ANK2: variants seen among roughly 807,000 people sequenced by gnomAD.
The protein encoded by ANK2 is ankyrin-2.
ANK2 carries 83 observed loss-of-function variants against 360.5 expected under a neutral mutation model. The observed-to-expected ratio is 0.23, with a 90% CI of 0.19 to 0.28. The LOEUF (loss-of-function observed/expected upper bound fraction) is 0.28, where lower values mean the gene tolerates loss of function less well. Among genes scored for constraint, ANK2 ranks in the 10% least tolerant of loss-of-function variants. The pLI, the probability that ANK2 is intolerant of heterozygous loss-of-function variation, is 1.00. For missense variants in ANK2, 4,201 were observed against 4,795.7 expected, an observed-to-expected ratio of 0.88 and a Z score of 3.66; for synonymous variants, 1,740 against 1,759.5, an observed-to-expected ratio of 0.99 and a Z score of 0.28.
chr4:112,776,134 A>G, the ANK2 span, among the ~76,000 whole-genome samples: 1 of 152,192 alleles, frequency 6.6e-6, no homozygotes, highest in African/African-American at 2.4e-5. Flanking sequence ...AAGAGGAAGT[A>G]GTGAGGGATA....
the ANK2 span, among the ~76,000 whole-genome samples, chr4:112,761,345 G>T: frequency 6.6e-6 from 1 of 152,030 alleles, no homozygotes; most frequent in Non-Finnish European, 1.5e-5. Flanking sequence ...TTCTCGCCTG[G>T]CACCGTGGCT....
intron 43 of ANK2, among the ~76,000 whole-genome samples, chr4:113,371,166 G>T (rs1346533899): frequency 6.6e-6 from 1 of 152,124 alleles, no homozygotes; most frequent in Non-Finnish European, 1.5e-5. Context: ...AAGTGAAACA[G>T]CATGTGTTTG....
chr4:113,361,927 A>G (rs73841990), intron 39 of ANK2, among the ~76,000 whole-genome samples: 2,774 of 152,248 alleles, frequency 0.018, 84 homozygotes, highest in African/African-American at 0.062. Context: ...ATAGAATGAC[A>G]TAGAATGAAA....
At chr4:112,868,006 T>G (rs2150209415) in intron 1 of ANK2, among the ~76,000 whole-genome samples, 1 of 152,344 alleles carries the variant, frequency 6.6e-6, no homozygotes, top group East Asian at 1.9e-4. Context: ...CTATACCATT[T>G]TACATTTCCA....
intron 2 of ANK2, among the ~76,000 whole-genome samples, chr4:112,992,340 CA>C: frequency 1.3e-5 from 2 of 152,216 alleles, no homozygotes; most frequent in Middle Eastern, 3.4e-3. Context: ...GATGGTGTTT[CA>C]CCATGTTGGG....
chr4:112,804,924 TG>T, the ANK2 span, among the ~76,000 whole-genome samples: 1 of 151,928 alleles, frequency 6.6e-6, no homozygotes, highest in South Asian at 2.1e-4. Flanking sequence ...ATTGTGCCAC[TG>T]CACTCTAGCC....
At chr4:113,044,608 C>T (rs1385377168) in intron 2 of ANK2, among the ~76,000 whole-genome samples, 1 of 152,122 alleles carries the variant, frequency 6.6e-6, no homozygotes, top group Non-Finnish European at 1.5e-5. Flanking sequence ...GGCTATGTTC[C>T]TTCTGAAGGC....
At chr4:113,225,230 C>T (rs1473115302) in intron 4 of ANK2, among the ~76,000 whole-genome samples, 26 of 152,128 alleles carry the variant, frequency 1.7e-4, no homozygotes, top group Admixed American at 1.7e-3. Flanking sequence ...GAGTTAATTG[C>T]TCAGTCTTTA....
intron 39 of ANK2, among the ~76,000 whole-genome samples, chr4:113,361,110 C>T (rs1425515343): frequency 6.6e-6 from 1 of 152,140 alleles, no homozygotes; most frequent in Non-Finnish European, 1.5e-5. Flanking sequence ...AATAATAGAA[C>T]TTTCTATTTG....
At chr4:113,074,716 A>G (rs2079138587) in intron 1 of ANK2, among the ~76,000 whole-genome samples, 1 of 152,198 alleles carries the variant, frequency 6.6e-6, no homozygotes, top group Admixed American at 6.5e-5. Context: ...AAAGACTAGG[A>G]TGAGAAAAGA....
At chr4:113,346,936 CA>C (rs1360064261) in intron 35 of ANK2, among the ~76,000 whole-genome samples, 1 of 151,780 alleles carries the variant, frequency 6.6e-6, no homozygotes, top group Non-Finnish European at 1.5e-5. Flanking sequence ...TTTTTTTAAC[CA>C]ATATTTCTTT....
chr4:113,266,036 C>A (rs542874012), intron 14 of ANK2, among the ~76,000 whole-genome samples: 2 of 152,210 alleles, frequency 1.3e-5, no homozygotes, highest in East Asian at 3.9e-4. Context: ...TATATATGTG[C>A]CATGGTGGTT....
intron 2 of ANK2, among the ~76,000 whole-genome samples, chr4:112,976,061 G>GT (rs1156977886): frequency 2.0e-5 from 3 of 151,474 alleles, no homozygotes; most frequent in South Asian, 4.2e-4. Context: ...ATTTTATGTC[G>GT]TTTTTTTCCC....
At chr4:113,248,192 A>G (rs932095472) in intron 9 of ANK2, among the ~76,000 whole-genome samples, 2 of 152,202 alleles carry the variant, frequency 1.3e-5, no homozygotes, top group African/African-American at 2.4e-5. Flanking sequence ...CTAGCCAAAA[A>G]CAGAGGCCCA....
chr4:113,330,766 A>T (rs961399997), intron 27 of ANK2, among the ~76,000 whole-genome samples: 2 of 152,180 alleles, frequency 1.3e-5, no homozygotes, highest in African/African-American at 4.8e-5. Context: ...GATGGTAGGT[A>T]TTATTTTCTC....
rs187073243 is a variant in ANK2, at chr4:112,888,451, C to G, written c.-39-16004C>G. Among the ~76,000 whole-genome samples, 3 of 152,134 alleles carry G rather than the reference C, an allele frequency of 2.0e-5. No individual in the cohort carries two copies. The East Asian group carries it at 5.8e-4, about 29-fold the overall frequency. Reference sequence around the variant, plus strand: ...GATATTTTTTGTATTCTGAAAATAACAAGGGTTTGCATATTAAGATATAAT... The same window carrying G: ...GATATTTTTTGTATTCTGAAAATAAGAAGGGTTTGCATATTAAGATATAAT... On this transcript the variant is annotated intron_variant, in intron 1 of 30. Transcript: ENST00000503271.
chr4:112,828,118 G>T (rs2058811461), intron 1 of ANK2, among the ~76,000 whole-genome samples: 1 of 152,000 alleles, frequency 6.6e-6, no homozygotes, highest in Non-Finnish European at 1.5e-5. Flanking sequence ...ATTGGGGAAA[G>T]GATTCCCTAT....
intron 2 of ANK2, among the ~76,000 whole-genome samples, chr4:112,972,315 G>A (rs925572141): frequency 6.6e-6 from 1 of 152,104 alleles, no homozygotes; most frequent in Non-Finnish European, 1.5e-5. Flanking sequence ...GCATGCATTA[G>A]GTATTTGTCC....
chr4:113,087,041 C>T (rs1321769022), intron 1 of ANK2, among the ~76,000 whole-genome samples: 1 of 152,148 alleles, frequency 6.6e-6, no homozygotes. Flanking sequence ...AAAAAGGTTA[C>T]ATTCAAATAG....
Sources: allele counts gnomAD v4.1 joint callset (sites outside exome capture counted in the v4.1 genomes callset), GRCh38; gene constraint gnomAD v4.1.1; transcripts MANE v1.5; gene names NCBI Gene and HGNC (gene_info 2026-07-23, HGNC 2026-07-21).